Variants in TEX9 observed in about 807,000 individuals in gnomAD.
The protein encoded by TEX9 is testis-expressed protein 9.
TEX9 carries 74 observed loss-of-function variants against 59.6 expected under a neutral mutation model. The ratio of observed to expected loss-of-function variants is 1.24; its 90% CI spans 1.03 to 1.51. The LOEUF (loss-of-function observed/expected upper bound fraction) is 1.51, where lower values mean the gene tolerates loss of function less well. TEX9 is among the 40% of genes most tolerant of loss of function. The pLI, the probability that TEX9 is intolerant of heterozygous loss-of-function variation, is 0.00. For synonymous variants in TEX9, 186 were observed against 152.2 expected (o/e 1.22, Z -1.64); for missense variants, 522 against 447.8 (o/e 1.17, Z -1.49).
intron 1 of TEX9, among the ~76,000 whole-genome samples, chr15:56,343,851 G>A (rs2046417087): frequency 6.6e-6 from 1 of 152,082 alleles, no homozygotes; most frequent in Non-Finnish European, 1.5e-5. Context: ...GGATCCAGTG[G>A]GCAAAGGATC....
downstream of TEX9, chr15:56,447,290 G>C: frequency 6.1e-6 from 1 of 164,642 alleles, no homozygotes; most frequent in Non-Finnish European, 1.3e-5. Context: ...AGCCATTCTT[G>C]ATACTTTCAT....
At chr15:56,427,579 T>C (rs1567142317) in intron 10 of TEX9, 26 bp from the exon 11 acceptor site, 1 of 1,440,846 alleles carries the variant, frequency 6.9e-7, no homozygotes, top group East Asian at 2.6e-5. Context: ...ATTAAAAATA[T>C]ATGGCACTTT....
At chr15:56,244,239 G>A (rs1372169815) in exon 1 of TEX9, 1 of 152,140 alleles carries the variant, frequency 6.6e-6, no homozygotes, top group African/African-American at 2.4e-5. Context: ...TGCATGTGAG[G>A]ATTACTTCCT....
intron 3 of TEX9, among the ~76,000 whole-genome samples, chr15:56,382,673 G>A (rs1168086115): frequency 6.6e-6 from 1 of 152,160 alleles, no homozygotes; most frequent in African/African-American, 2.4e-5. Context: ...GCTAGGGCTT[G>A]TAATGGTGGC....
the TEX9 span, among the ~76,000 whole-genome samples, chr15:56,454,746 C>T: frequency 6.6e-6 from 1 of 152,174 alleles, no homozygotes. Flanking sequence ...TATATTAATA[C>T]ATCTGCTAGA....
At chr15:56,424,747 C>A (rs558225820) in intron 10 of TEX9, among the ~76,000 whole-genome samples, 2 of 151,924 alleles carry the variant, frequency 1.3e-5, no homozygotes, top group African/African-American at 2.4e-5. Flanking sequence ...CTTTTAAATT[C>A]GAAAAGAATG....
At chr15:56,266,327 C>CTT (rs750991112) in intron 1 of TEX9, among the ~76,000 whole-genome samples, 1 of 138,798 alleles carries the variant, frequency 7.2e-6, no homozygotes. Context: ...GGTTTCTTTT[C>CTT]TTTTTTTTTT....
At chr15:56,337,800 T>C (rs1309014341) in intron 1 of TEX9, among the ~76,000 whole-genome samples, 1 of 152,242 alleles carries the variant, frequency 6.6e-6, no homozygotes, top group East Asian at 1.9e-4. Context: ...TTTGGTTTTC[T>C]TCCTATATAA....
chr15:56,312,625 C>T (rs1344931578), intron 1 of TEX9, among the ~76,000 whole-genome samples: 6 of 145,664 alleles, frequency 4.1e-5, no homozygotes, highest in Admixed American at 6.8e-5. Flanking sequence ...CTTGGTGATG[C>T]GGGCTCTTTT....
At chr15:56,440,959 G>A (rs1386088862) in intron 12 of TEX9, among the ~76,000 whole-genome samples, 5 of 152,106 alleles carry the variant, frequency 3.3e-5, no homozygotes, top group Admixed American at 2.0e-4. Flanking sequence ...ATTTGTGTAT[G>A]GGTTTGGGTA....
the TEX9 span, among the ~76,000 whole-genome samples, chr15:56,452,025 A>T: frequency 6.6e-6 from 1 of 152,176 alleles, no homozygotes; most frequent in Non-Finnish European, 1.5e-5. Flanking sequence ...TATGTTTACT[A>T]TAACTACTAA....
At chr15:56,303,670 G>C (rs1410092334) in intron 1 of TEX9, among the ~76,000 whole-genome samples, 1 of 151,730 alleles carries the variant, frequency 6.6e-6, no homozygotes, top group Non-Finnish European at 1.5e-5. Flanking sequence ...ATGAGTAGCA[G>C]AAATACATGA....
downstream of TEX9, chr15:56,446,775 A>G: frequency 8.2e-7 from 1 of 1,224,282 alleles, no homozygotes; most frequent in East Asian, 2.4e-5. Flanking sequence ...ACAATTTTTT[A>G]AGAAACAAGT....
At chr15:56,361,373 C>A (rs1224970239), upstream of TEX9, among the ~76,000 whole-genome samples, 1 of 152,096 alleles carries the variant, frequency 6.6e-6, no homozygotes, top group African/African-American at 2.4e-5. Context: ...TCATAACATT[C>A]CACAGGTTTT....
intron 1 of TEX9, among the ~76,000 whole-genome samples, chr15:56,287,049 C>T (rs2044970098): frequency 6.6e-6 from 1 of 152,050 alleles, no homozygotes; most frequent in South Asian, 2.1e-4. Context: ...TGTAATGCAG[C>T]ATAGGACATG....
At position 56,289,163 on chromosome 15, in the gene TEX9, C is replaced by G. The variant is rs369027374; in HGVS notation, c.-107+44885C>G. Among the ~76,000 whole-genome samples, 4 of 152,012 alleles carry G rather than the reference C, an allele frequency of 2.6e-5. No homozygotes were observed. The East Asian group carries it at 7.7e-4, about 29-fold the overall frequency. ...ATTGAATTATTTCTCTGTATTTTCT[C>G]GAGGTTTTCTGAGCTTCCTTTAAAC... On this transcript the variant is annotated intron_variant, in intron 1 of 5. Coordinates refer to the TEX9 transcript ENST00000560827.
At chr15:56,450,702 T>A (rs11638060), downstream of TEX9, among the ~76,000 whole-genome samples, 10,560 of 152,316 alleles carry the variant, frequency 0.069, 461 homozygotes, top group Non-Finnish European at 0.1. Context: ...GAAATAATGC[T>A]GCACCAAAAG....
chr15:56,284,673 A>G (rs6493844), intron 1 of TEX9, among the ~76,000 whole-genome samples: 56,240 of 151,946 alleles, frequency 0.37, 10,736 homozygotes, highest in Middle Eastern at 0.53. Context: ...TTCCAGTCCT[A>G]TTTGATGGCC....
chr15:56,255,434 A>G (rs1303498090), intron 1 of TEX9, among the ~76,000 whole-genome samples: 3 of 152,096 alleles, frequency 2.0e-5, no homozygotes, highest in East Asian at 1.9e-4. Flanking sequence ...AAGTCAAGCC[A>G]TCAGTGATTC....
Sources: allele counts gnomAD v4.1 joint callset (sites outside exome capture counted in the v4.1 genomes callset), GRCh38; gene constraint gnomAD v4.1.1; transcripts MANE v1.5; gene names NCBI Gene and HGNC (gene_info 2026-07-23, HGNC 2026-07-21).